CCDC171: variants seen among roughly 807,000 people sequenced by gnomAD.
CCDC171 encodes coiled-coil domain containing 171.
A neutral mutation model predicts 168.2 loss-of-function variants in CCDC171; 177 were observed. The observed-to-expected ratio is 1.05, with a 90% CI of 0.93 to 1.19. The LOEUF (loss-of-function observed/expected upper bound fraction) is 1.19, where lower values mean the gene tolerates loss of function less well. CCDC171 is among the 50% of genes most tolerant of loss of function. CCDC171 has a pLI of 0.00. For synonymous variants in CCDC171, 687 were observed against 540.8 expected, an observed-to-expected ratio of 1.27 and a Z score of -3.75; for missense variants, 1,991 against 1,539.0, an observed-to-expected ratio of 1.29 and a Z score of -4.91.
At chr9:15,905,718 A>C (rs1446345011) in intron 24 of CCDC171, among the ~76,000 whole-genome samples, 1 of 152,204 alleles carries the variant, frequency 6.6e-6, no homozygotes, top group African/African-American at 2.4e-5. Flanking sequence ...CCTTCAAAAA[A>C]TCAATGAATC....
intron 11 of CCDC171, among the ~76,000 whole-genome samples, chr9:15,714,798 C>A (rs1035317962): frequency 2.0e-5 from 3 of 152,126 alleles, no homozygotes; most frequent in African/African-American, 7.2e-5. Flanking sequence ...TTAAGTCCTG[C>A]TTGTGGTAAT....
intron 14 of CCDC171, among the ~76,000 whole-genome samples, chr9:15,725,552 C>T (rs897730741): frequency 1.4e-4 from 22 of 152,188 alleles, no homozygotes; most frequent in African/African-American, 2.2e-4. Flanking sequence ...CAGGTTCAAG[C>T]GATTCTCCTG....
chr9:16,066,914 A>G, the CCDC171 span, among the ~76,000 whole-genome samples: 1 of 151,504 alleles, frequency 6.6e-6, no homozygotes, highest in Non-Finnish European at 1.5e-5. Context: ...TAATGCCGCA[A>G]TAAACATAGG....
intron 11 of CCDC171, 36 bp downstream of exon 11, chr9:15,695,373 C>A: frequency 6.8e-7 from 1 of 1,477,180 alleles, no homozygotes; most frequent in South Asian, 1.1e-5. Context: ...ATGCATCTGT[C>A]AATGTTCCAA....
intron 24 of CCDC171, among the ~76,000 whole-genome samples, chr9:15,888,397 A>G (rs985253313): frequency 2.6e-5 from 4 of 152,186 alleles, no homozygotes; most frequent in African/African-American, 9.7e-5. Context: ...CCATTCCAAG[A>G]CCCAGGTGGT....
chr9:15,809,877 G>A (rs1265151334), intron 21 of CCDC171, among the ~76,000 whole-genome samples: 1 of 152,194 alleles, frequency 6.6e-6, no homozygotes, highest in East Asian at 1.9e-4. Flanking sequence ...CCCACATCCT[G>A]CTGATTGGTT....
chr9:15,781,714 G>A (rs368465624), intron 20 of CCDC171, among the ~76,000 whole-genome samples: 1 of 152,146 alleles, frequency 6.6e-6, no homozygotes, highest in South Asian at 2.1e-4. Flanking sequence ...CACCTGGCCA[G>A]TACTTAATTT....
At chr9:15,560,888 G>T (rs2039245184) in intron 1 of CCDC171, among the ~76,000 whole-genome samples, 1 of 152,080 alleles carries the variant, frequency 6.6e-6, no homozygotes, top group South Asian at 2.1e-4. Context: ...GGTCTTTGTT[G>T]ATGGTGACAT....
At chr9:15,699,885 C>G (rs1477299263) in intron 11 of CCDC171, among the ~76,000 whole-genome samples, 1 of 152,140 alleles carries the variant, frequency 6.6e-6, no homozygotes, top group African/African-American at 2.4e-5. Flanking sequence ...ACACCTTGAG[C>G]TAGATACAGA....
chr9:15,878,510 A>G (rs551924657), intron 24 of CCDC171, among the ~76,000 whole-genome samples: 1 of 152,200 alleles, frequency 6.6e-6, no homozygotes, highest in African/African-American at 2.4e-5. Context: ...AGAAAAGGGA[A>G]TGCTTATACA....
chr9:15,788,705 A>C (rs1165699836), intron 21 of CCDC171, among the ~76,000 whole-genome samples: 2 of 151,654 alleles, frequency 1.3e-5, no homozygotes, highest in Non-Finnish European at 2.9e-5. Flanking sequence ...ACATGCCACC[A>C]CACCCTGCTA....
chr9:15,563,015 A>G (rs76008641), intron 1 of CCDC171, among the ~76,000 whole-genome samples: 3,822 of 152,214 alleles, frequency 0.025, 165 homozygotes, highest in African/African-American at 0.088. Flanking sequence ...CCCTCACGTA[A>G]GATAACTTAT....
At chr9:15,650,134 C>G (rs2047392040) in intron 7 of CCDC171, among the ~76,000 whole-genome samples, 1 of 152,130 alleles carries the variant, frequency 6.6e-6, no homozygotes, top group African/African-American at 2.4e-5. Context: ...TCATTCTGAG[C>G]AAACTATTGC....
At chr9:15,822,466 T>A (rs1274407603) in intron 21 of CCDC171, among the ~76,000 whole-genome samples, 1 of 151,814 alleles carries the variant, frequency 6.6e-6, no homozygotes, top group Non-Finnish European at 1.5e-5. Context: ...GAATCTACAA[T>A]GAACTCAAAC....
intron 6 of CCDC171, among the ~76,000 whole-genome samples, chr9:15,599,847 C>G (rs142361303): frequency 0.011 from 1,729 of 152,194 alleles, 55 homozygotes; most frequent in African/African-American, 0.039. Context: ...TTCTTTGTTT[C>G]TTTTTACTCT....
chr9:15,636,168 A>C (rs1426934253), intron 7 of CCDC171, among the ~76,000 whole-genome samples: 1 of 152,080 alleles, frequency 6.6e-6, no homozygotes, highest in Non-Finnish European at 1.5e-5. Context: ...ATATATATAT[A>C]TCTATAAGAT....
intron 7 of CCDC171, among the ~76,000 whole-genome samples, chr9:15,633,597 C>A (rs547909925): frequency 0.011 from 1,613 of 152,072 alleles, 13 homozygotes; most frequent in Non-Finnish European, 0.017. Flanking sequence ...TAGTTCAACC[C>A]TTGTGGAAGT....
chr9:15,597,391 T>C (rs200520190), intron 6 of CCDC171, among the ~76,000 whole-genome samples: 4 of 152,114 alleles, frequency 2.6e-5, no homozygotes, highest in African/African-American at 7.2e-5. Context: ...TTTTCTGCAT[T>C]TATTGAGATA....
At chr9:15,783,130 G>T (rs7861802) in intron 20 of CCDC171, among the ~76,000 whole-genome samples, 70,685 of 151,830 alleles carry the variant, frequency 0.47, 16,619 homozygotes, top group South Asian at 0.54. Flanking sequence ...TGGCAGGCAG[G>T]GTACCTGGTG....
Sources: allele counts gnomAD v4.1 joint callset (sites outside exome capture counted in the v4.1 genomes callset), GRCh38; gene constraint gnomAD v4.1.1; transcripts MANE v1.5; gene names NCBI Gene and HGNC (gene_info 2026-07-23, HGNC 2026-07-21).